ERCC1: variants seen among roughly 807,000 people sequenced by gnomAD.
ERCC1 encodes DNA excision repair protein ERCC-1.
In ERCC1, 36 loss-of-function variants were observed where a neutral mutation model predicts 37.6. That is an observed-to-expected ratio of 0.96 (90% CI 0.73 to 1.26). ERCC1 has a LOEUF of 1.26. ERCC1 is among the 50% of genes most tolerant of loss of function. The pLI is 0.00. For synonymous variants in ERCC1, 156 were observed against 162.1 expected (o/e 0.96, Z 0.28); for missense variants, 349 against 376.5 (o/e 0.93, Z 0.60).
upstream of ERCC1, chr19:45,423,919 G>C (rs1015755786): frequency 9.1e-7 from 1 of 1,098,882 alleles, no homozygotes; most frequent in Admixed American, 4.6e-5. Context: ...AGCACTTCCG[G>C]CCTCTCTGGC....
rs151164004 is a variant in ERCC1, at chr19:45,413,978, G to A, written c.759C>T (p.Leu253=). 7.4e-6 allele frequency: 12 copies of A among 1,613,830 alleles called. No individual in the cohort carries two copies. The African/African-American group carries it at 1.5e-4, about 20-fold the overall frequency. The change falls in exon 8 of 10, where the codon CTC becomes CTT. Residue 253 remains leucine (L), a synonymous_variant. Coordinates refer to ENST00000300853, the MANE Select transcript of ERCC1 (RefSeq NM_001983.4). The part of the protein sequence containing the change: ...KSVNKTDSQT[L]LTTFGSLEQL... ...CATTCCTTACTCCAAATGTGGTCAG[G>A]AGGGTCTGACTGTCCGTTTTGTTGA... is the stretch of plus-strand genomic sequence containing the variant.
Position 45,409,157 on chromosome 19 carries a change from G to A in ERCC1, c.*518C>T. On this transcript the variant is annotated 3_prime_UTR_variant, in exon 10 of 10. Coordinates refer to ENST00000300853, the MANE Select transcript of ERCC1 (RefSeq NM_001983.4). ...GAAAGAAAAACAGCAAGATGCCACA[G>A]TGGAGCCAGAGACAGAGGTGGTGGG... 4 of 1,613,412 alleles carry A rather than the reference G, an allele frequency of 2.5e-6. No homozygotes were observed. Among genetic ancestry groups the A allele is most frequent in the Non-Finnish European group, 1.7e-6 (2 of 1,179,598 alleles).
upstream of ERCC1, among the ~76,000 whole-genome samples, chr19:45,424,785 A>C (rs1294424693): frequency 1.3e-5 from 2 of 151,902 alleles, no homozygotes; most frequent in African/African-American, 4.8e-5. Flanking sequence ...TTGGGCTTTA[A>C]CTTTAGTTAT....
chr19:45,414,749 G>A (rs988264995), intron 7 of ERCC1, 112 bp downstream of exon 7: 4 of 790,920 alleles, frequency 5.1e-6, no homozygotes, highest in Non-Finnish European at 8.9e-6. Flanking sequence ...GATGGGCCAG[G>A]AAAGACGAGG....
chr19:45,427,108 G>A (rs1193979399), upstream of ERCC1, among the ~76,000 whole-genome samples: 2 of 152,008 alleles, frequency 1.3e-5, no homozygotes, highest in Admixed American at 1.3e-4. Flanking sequence ...CAGCCTGGGT[G>A]ACAGAGTGAG....
At chr19:45,439,989 A>G (rs1026929710) in intron 1 of ERCC1, among the ~76,000 whole-genome samples, 7 of 152,110 alleles carry the variant, frequency 4.6e-5, no homozygotes, top group Non-Finnish European at 1.0e-4. Context: ...ATAAGGCAGG[A>G]CGACTCAGCG....
rs202176599 is a variant in ERCC1, at chr19:45,421,164, G to A, written c.321+14C>T. On this transcript the variant is annotated intron_variant, in intron 3 of 9. Coordinates refer to ENST00000300853, the MANE Select transcript of ERCC1 (RefSeq NM_001983.4). Reference sequence around the variant, plus strand: ...GAAAACCTCAAGGCCTCACTTCTCCGTCTCCCTCCTCACCTGCCGAGGGCT... The same window carrying A: ...GAAAACCTCAAGGCCTCACTTCTCCATCTCCCTCCTCACCTGCCGAGGGCT... 100 of 1,611,852 alleles carry A rather than the reference G, an allele frequency of 6.2e-5. No individual in the cohort carries two copies. Among genetic ancestry groups the A allele is most frequent in the South Asian group, 5.2e-4 (47 of 91,010 alleles).
upstream of ERCC1, among the ~76,000 whole-genome samples, chr19:45,425,475 G>C (rs1260887006): frequency 6.6e-6 from 1 of 151,764 alleles, no homozygotes; most frequent in Non-Finnish European, 1.5e-5. Flanking sequence ...TGCAACCTCC[G>C]CCACCCACAT....
upstream of ERCC1, among the ~76,000 whole-genome samples, chr19:45,425,231 T>C (rs144502420): frequency 1.3e-3 from 191 of 151,636 alleles, no homozygotes; most frequent in African/African-American, 4.4e-3. Context: ...ACGGCTATAA[T>C]GATATATTCT....
intron 9 of ERCC1, 144 bp from the exon 10 acceptor site, chr19:45,409,869 C>A (rs1973583885): frequency 9.2e-6 from 4 of 433,946 alleles, no homozygotes; most frequent in Middle Eastern, 6.1e-4. Context: ...CAGTTACAAT[C>A]TTTTTAAGTT....
chr19:45,431,278 T>G (rs746750282), intron 1 of ERCC1, among the ~76,000 whole-genome samples: 6 of 152,196 alleles, frequency 3.9e-5, no homozygotes, highest in Non-Finnish European at 7.3e-5. Flanking sequence ...ACAATGCCCT[T>G]CCTCTCACTA....
chr19:45,434,932 C>T (rs1209911570), intron 1 of ERCC1, among the ~76,000 whole-genome samples: 4 of 151,788 alleles, frequency 2.6e-5, no homozygotes, highest in East Asian at 1.9e-4. Context: ...TGCACCACCA[C>T]GCCCGGCTAA....
intron 6 of ERCC1, chr19:45,415,752 T>C (rs2123480484): frequency 2.2e-6 from 1 of 455,944 alleles, no homozygotes; most frequent in East Asian, 6.9e-5. Context: ...ATATCTTTTC[T>C]GGCTACAGGC....
At chr19:45,414,067 GAAGA>G (rs772060846) in intron 7 of ERCC1, 33 bp from the exon 8 acceptor site, 34 of 1,579,316 alleles carry the variant, frequency 2.2e-5, no homozygotes, top group Non-Finnish European at 2.9e-5. Context: ...TGTGTCGGAA[GAAGA>G]AAGGCCAGCA....
chr19:45,432,405 G>A (rs2123574979), intron 1 of ERCC1, among the ~76,000 whole-genome samples: 1 of 152,032 alleles, frequency 6.6e-6, no homozygotes, highest in South Asian at 2.1e-4. Flanking sequence ...CAAGTAGCTA[G>A]GATTACAGGT....
chr19:45,432,058 G>A (rs1304324017), intron 1 of ERCC1, among the ~76,000 whole-genome samples: 2 of 151,830 alleles, frequency 1.3e-5, no homozygotes, highest in South Asian at 2.1e-4. Context: ...TGCAACCTCC[G>A]CCTCCCGGGT....
intron 1 of ERCC1, among the ~76,000 whole-genome samples, chr19:45,441,600 C>G (rs946987137): frequency 2.0e-5 from 3 of 151,920 alleles, no homozygotes; most frequent in African/African-American, 7.3e-5. Context: ...GTCTCAAACT[C>G]CTGACCTCAA....
intron 1 of ERCC1, 119 bp from the exon 2 acceptor site, chr19:45,423,500 T>A: frequency 1.3e-6 from 2 of 1,489,330 alleles, no homozygotes; most frequent in East Asian, 2.5e-5. Flanking sequence ...TAGCGTCAGG[T>A]CCCCAACACC....
chr19:45,443,023 G>A (rs776182486), intron 1 of ERCC1, among the ~76,000 whole-genome samples: 4 of 152,268 alleles, frequency 2.6e-5, no homozygotes, highest in Non-Finnish European at 5.9e-5. Context: ...CCGCGGGGGG[G>A]ATGAAGATAA....
Sources: gnomAD v4.1 joint callset for allele counts (sites outside exome capture counted in the v4.1 genomes callset) on GRCh38, gnomAD v4.1.1 for gene constraint, MANE v1.5 for transcripts, NCBI Gene and HGNC (gene_info 2026-07-23, HGNC 2026-07-21) for gene names.